The following WWOX variants were observed in gnomAD, a reference collection of about 807,000 sequenced individuals.
The protein encoded by WWOX is WW domain-containing oxidoreductase.
WWOX carries 69 observed loss-of-function variants against 46.2 expected under a neutral mutation model. The observed-to-expected ratio is 1.49, with a 90% CI of 1.23 to 1.82. WWOX has a LOEUF of 1.82. Ranked by LOEUF, WWOX falls within the 40% of genes most tolerant of loss-of-function variation. The probability of loss-of-function intolerance (pLI) is 0.00; values close to 1 mark genes in which losing one functional copy is unlikely to be tolerated. For synonymous variants in WWOX, 359 were observed against 202.6 expected, an observed-to-expected ratio of 1.77 and a Z score of -6.56; for missense variants, 919 against 542.6, an observed-to-expected ratio of 1.69 and a Z score of -6.89.
chr16:78,466,516 T>C (rs2084082066), intron 8 of WWOX, among the ~76,000 whole-genome samples: 1 of 152,204 alleles, frequency 6.6e-6, no homozygotes. Flanking sequence ...ATGTGGCATA[T>C]TAAGCTGCTG....
chr16:78,630,363 A>C (rs2046398672), intron 8 of WWOX, among the ~76,000 whole-genome samples: 1 of 152,042 alleles, frequency 6.6e-6, no homozygotes, highest in Non-Finnish European at 1.5e-5. Flanking sequence ...AAGATGGCTC[A>C]CTCTGTCTAG....
chr16:78,173,109 C>T (rs1306387325), intron 5 of WWOX, among the ~76,000 whole-genome samples: 1 of 152,136 alleles, frequency 6.6e-6, no homozygotes, highest in Non-Finnish European at 1.5e-5. Context: ...GGCAGCACGC[C>T]CTGCGATAGG....
At chr16:78,247,396 CT>C (rs533968214) in intron 5 of WWOX, among the ~76,000 whole-genome samples, 1 of 151,868 alleles carries the variant, frequency 6.6e-6, no homozygotes, top group Non-Finnish European at 1.5e-5. Context: ...GCCCACCTTT[CT>C]TTTTTTTGCC....
At chr16:78,340,270 A>C (rs112167445) in intron 5 of WWOX, among the ~76,000 whole-genome samples, 25,200 of 111,482 alleles carry the variant, frequency 0.23, 7,765 homozygotes, top group African/African-American at 0.38. Flanking sequence ...GATCCTGCCT[A>C]ACTGCAACCT....
intron 8 of WWOX, among the ~76,000 whole-genome samples, chr16:78,801,055 C>T (rs986117872): frequency 1.3e-5 from 2 of 151,786 alleles, no homozygotes; most frequent in African/African-American, 4.8e-5. Context: ...CTCTCTCTAC[C>T]TCTTTTTTTT....
At chr16:78,226,356 A>G (rs1006045098) in intron 5 of WWOX, among the ~76,000 whole-genome samples, 9 of 152,112 alleles carry the variant, frequency 5.9e-5, no homozygotes, top group African/African-American at 2.2e-4. Flanking sequence ...CAGCATTTTC[A>G]GGGATGTATA....
intron 8 of WWOX, among the ~76,000 whole-genome samples, chr16:78,597,371 C>G (rs1047994570): frequency 3.3e-5 from 5 of 152,194 alleles, no homozygotes; most frequent in Non-Finnish European, 7.3e-5. Context: ...CATTTGGATT[C>G]TACGGTGGCT....
At chr16:78,937,558 G>T (rs1332922182) in intron 8 of WWOX, among the ~76,000 whole-genome samples, 1 of 145,748 alleles carries the variant, frequency 6.9e-6, no homozygotes, top group Non-Finnish European at 1.5e-5. Context: ...GCTTCCCAAA[G>T]TGCTGCGATT....
intron 5 of WWOX, among the ~76,000 whole-genome samples, chr16:78,303,820 C>T (rs2080085817): frequency 1.3e-5 from 2 of 152,146 alleles, no homozygotes; most frequent in Non-Finnish European, 2.9e-5. Flanking sequence ...GCTGGGATTA[C>T]AGGTGTGAGC....
intron 5 of WWOX, among the ~76,000 whole-genome samples, chr16:78,206,915 T>G (rs994493475): frequency 6.6e-6 from 1 of 152,188 alleles, no homozygotes; most frequent in Admixed American, 6.5e-5. Flanking sequence ...TAATGATACC[T>G]CTCCCTTACT....
At chr16:78,863,332 C>G in intron 8 of WWOX, among the ~76,000 whole-genome samples, 1 of 152,192 alleles carries the variant, frequency 6.6e-6, no homozygotes, top group East Asian at 1.9e-4. Flanking sequence ...ATTTCTTTTT[C>G]AGAGTCATCT....
chr16:78,123,441 T>TTTTGTTTTGTTTTG (rs1567584452), intron 4 of WWOX: 1 of 42,940 alleles, frequency 2.3e-5, no homozygotes, highest in Admixed American at 4.1e-4. Context: ...TTTTGTTTTG[T>TTTTGTTTTGTTTTG]TTTTTTTTTT....
rs574590441 is a variant in WWOX at position 78,608,650 on chromosome 16, C to A, written c.1056+175898C>A. ...AGGGTCACCAACCCGTTCCATCTTC[C>A]TGTCAGTTGGCGTCCACCCTTGGTT... On this transcript the variant is annotated intron_variant, in intron 8 of 8. Transcript: ENST00000566780. 2.4e-4 allele frequency among the ~76,000 whole-genome samples: 37 copies of A among 152,302 alleles called. No individual in the cohort carries two copies. The East Asian group carries it at 6.6e-3, about 27-fold the overall frequency.
intron 8 of WWOX, among the ~76,000 whole-genome samples, chr16:78,958,086 T>A (rs2046204308): frequency 6.6e-6 from 1 of 152,236 alleles, no homozygotes; most frequent in Non-Finnish European, 1.5e-5. Context: ...TCTTGGAATC[T>A]GAGCCTTCAT....
intron 8 of WWOX, among the ~76,000 whole-genome samples, chr16:78,702,958 A>G (rs1483763571): frequency 6.6e-6 from 1 of 152,132 alleles, no homozygotes; most frequent in Non-Finnish European, 1.5e-5. Flanking sequence ...GAACTCCCAC[A>G]CTTGCTCTTG....
chr16:79,051,470 A>G (rs536405065), intron 8 of WWOX, among the ~76,000 whole-genome samples: 39 of 151,626 alleles, frequency 2.6e-4, no homozygotes, highest in South Asian at 1.2e-3. Context: ...TGAGGTTGCC[A>G]CATTCTCCAG....
At chr16:78,997,169 C>T (rs145885186) in intron 8 of WWOX, among the ~76,000 whole-genome samples, 1,564 of 150,676 alleles carry the variant, frequency 0.01, 17 homozygotes, top group Middle Eastern at 0.038. Context: ...TGCTATTTTC[C>T]GGGGGAAGAG....
At chr16:78,533,968 G>T (rs559527122) in intron 8 of WWOX, among the ~76,000 whole-genome samples, 37 of 152,252 alleles carry the variant, frequency 2.4e-4, no homozygotes, top group Non-Finnish European at 4.0e-4. Context: ...CTACATTCTA[G>T]CGTAGGCAAA....
chr16:78,693,175 C>A (rs772082284), intron 8 of WWOX, among the ~76,000 whole-genome samples: 9 of 152,190 alleles, frequency 5.9e-5, no homozygotes, highest in Non-Finnish European at 8.8e-5. Flanking sequence ...ATTTGCCCAT[C>A]TCTTGTTCAA....
Sources: allele counts gnomAD v4.1 joint callset (sites outside exome capture counted in the v4.1 genomes callset), GRCh38; gene constraint gnomAD v4.1.1; transcripts MANE v1.5; gene names NCBI Gene and HGNC (gene_info 2026-07-23, HGNC 2026-07-21).